NRG1: variants seen among roughly 807,000 people sequenced by gnomAD.
NRG1 encodes pro-neuregulin-1, membrane-bound isoform.
In NRG1, 18 loss-of-function variants were observed where a neutral mutation model predicts 63.8. The ratio of observed to expected loss-of-function variants is 0.28; its 90% confidence interval spans 0.19 to 0.42. NRG1 has a LOEUF of 0.42. Among genes scored for constraint, NRG1 ranks in the 10% least tolerant of loss-of-function variants. The probability of loss-of-function intolerance (pLI) is 1.00; values close to 1 mark genes in which losing one functional copy is unlikely to be tolerated. For synonymous variants in NRG1, 302 were observed against 301.3 expected (o/e 1.00, Z -0.02); for missense variants, 762 against 814.7 (o/e 0.94, Z 0.79).
At chr8:31,805,581 C>G (rs931623914) in intron 1 of NRG1, among the ~76,000 whole-genome samples, 13 of 152,024 alleles carry the variant, frequency 8.6e-5, no homozygotes, top group African/African-American at 3.1e-4. Flanking sequence ...GTAATCCCAG[C>G]ACTTTGGGAG....
At chr8:32,595,737 G>A (rs559813529) in intron 1 of NRG1, 91 bp from the exon 2 acceptor site, 5 of 1,181,458 alleles carry the variant, frequency 4.2e-6, no homozygotes, top group Non-Finnish European at 5.8e-6. Flanking sequence ...TTGGAATGGT[G>A]CCTTGATCAG....
At chr8:32,295,395 G>A (rs530533261) in intron 1 of NRG1, among the ~76,000 whole-genome samples, 1 of 152,258 alleles carries the variant, frequency 6.6e-6, no homozygotes, top group Middle Eastern at 3.4e-3. Context: ...GAAACTGAAA[G>A]TGGATTGGTA....
At chr8:31,861,806 A>G (rs1828500684) in intron 1 of NRG1, among the ~76,000 whole-genome samples, 1 of 152,154 alleles carries the variant, frequency 6.6e-6, no homozygotes, top group African/African-American at 2.4e-5. Context: ...TGATCCAGTA[A>G]TGTCATCTTC....
intron 8 of NRG1, among the ~76,000 whole-genome samples, chr8:32,755,624 C>T (rs1829538121): frequency 6.6e-6 from 1 of 152,124 alleles, no homozygotes; most frequent in African/African-American, 2.4e-5. Context: ...TGTCCACATT[C>T]TCACGCGTAT....
intron 1 of NRG1, among the ~76,000 whole-genome samples, chr8:32,133,268 G>A (rs78187755): frequency 6.6e-6 from 1 of 152,078 alleles, no homozygotes; most frequent in Admixed American, 6.6e-5. Flanking sequence ...AGCTCCTAGA[G>A]GGTGAGGCAG....
At chr8:32,261,535 C>T (rs775776219) in intron 1 of NRG1, among the ~76,000 whole-genome samples, 17 of 152,156 alleles carry the variant, frequency 1.1e-4, no homozygotes, top group Non-Finnish European at 1.8e-4. Flanking sequence ...TATCATTAAG[C>T]CTTCTTTTTT....
At chr8:32,248,262 A>G (rs1848777538) in intron 1 of NRG1, among the ~76,000 whole-genome samples, 1 of 152,090 alleles carries the variant, frequency 6.6e-6, no homozygotes, top group Non-Finnish European at 1.5e-5. Flanking sequence ...TTGCACAAAG[A>G]AAAAAGGGAA....
intron 1 of NRG1, among the ~76,000 whole-genome samples, chr8:32,322,946 T>C (rs2129476902): frequency 6.6e-6 from 1 of 152,010 alleles, no homozygotes; most frequent in African/African-American, 2.4e-5. Context: ...TTCACCACTC[T>C]ATCTAAGCAG....
intron 5 of NRG1, among the ~76,000 whole-genome samples, chr8:32,681,294 A>C (rs1397303215): frequency 6.6e-6 from 1 of 152,194 alleles, no homozygotes; most frequent in African/African-American, 2.4e-5. Flanking sequence ...TGCATGACCT[A>C]GTCAGACAAA....
chr8:32,378,620 A>T (rs911384825), intron 1 of NRG1, among the ~76,000 whole-genome samples: 4 of 152,132 alleles, frequency 2.6e-5, no homozygotes, highest in South Asian at 2.1e-4. Flanking sequence ...TGTTGAAAAC[A>T]TATCTTTTTT....
At chr8:32,428,523 A>G (rs1817709712) in intron 1 of NRG1, among the ~76,000 whole-genome samples, 2 of 152,160 alleles carry the variant, frequency 1.3e-5, no homozygotes, top group Admixed American at 1.3e-4. Context: ...TGTTGCTGCT[A>G]TAGAACTCCA....
At chr8:31,733,662 GC>G (rs993057997) in intron 1 of NRG1, among the ~76,000 whole-genome samples, 7 of 152,154 alleles carry the variant, frequency 4.6e-5, no homozygotes, top group Admixed American at 4.6e-4. Flanking sequence ...AGGGTTACCA[GC>G]CAGAGGACAG....
At chr8:32,058,124 TTAAG>T (rs1823261669) in intron 1 of NRG1, among the ~76,000 whole-genome samples, 2 of 152,196 alleles carry the variant, frequency 1.3e-5, no homozygotes, top group African/African-American at 4.8e-5. Context: ...TGTACAACTA[TTAAG>T]TATCAATTTA....
At chr8:31,864,010 A>G (rs933956732) in intron 1 of NRG1, among the ~76,000 whole-genome samples, 6 of 152,232 alleles carry the variant, frequency 3.9e-5, no homozygotes, top group Non-Finnish European at 5.9e-5. Context: ...TATTCTAAAT[A>G]TAATATTAAG....
intron 1 of NRG1, among the ~76,000 whole-genome samples, chr8:32,371,392 T>C (rs1374230181): frequency 6.6e-6 from 1 of 152,196 alleles, no homozygotes; most frequent in Non-Finnish European, 1.5e-5. Flanking sequence ...TTACATGATA[T>C]GGATTTCTTA....
At chr8:32,772,072 T>A (rs200793901), downstream of NRG1, among the ~76,000 whole-genome samples, 40,717 of 93,258 alleles carry the variant, frequency 0.44, 10,235 homozygotes, top group East Asian at 0.71. Flanking sequence ...TATATATATA[T>A]ATATATATAT....
chr8:32,748,337 G>GCACACACACA (rs1310986635), intron 7 of NRG1, among the ~76,000 whole-genome samples: 35 of 104,546 alleles, frequency 3.3e-4, no homozygotes, highest in African/African-American at 1.1e-3. Flanking sequence ...ACGCGCGCGC[G>GCACACACACA]CGCACACACA....
At chr8:31,853,161 G>C (rs1827442920) in intron 1 of NRG1, among the ~76,000 whole-genome samples, 2 of 152,104 alleles carry the variant, frequency 1.3e-5, no homozygotes, top group Non-Finnish European at 2.9e-5. Flanking sequence ...GTCATTGATA[G>C]CTTGATGGGG....
intron 1 of NRG1, among the ~76,000 whole-genome samples, chr8:31,907,435 C>T (rs939348875): frequency 1.3e-5 from 2 of 149,744 alleles, no homozygotes; most frequent in Non-Finnish European, 3.0e-5. Context: ...AAATCCTAAG[C>T]AAAGTTATGT....
Sources: allele counts gnomAD v4.1 joint callset (sites outside exome capture counted in the v4.1 genomes callset), GRCh38; gene constraint gnomAD v4.1.1; transcripts MANE v1.5; gene names NCBI Gene and HGNC (gene_info 2026-07-23, HGNC 2026-07-21).